The following STARD13 variants were observed in gnomAD, a reference collection of about 807,000 sequenced individuals.
STARD13 encodes the protein StAR related lipid transfer domain containing 13, also known as stAR-related lipid transfer protein 13.
STARD13 carries 62 observed loss-of-function variants against 106.4 expected under a neutral mutation model. The ratio of observed to expected loss-of-function variants is 0.58; its 90% confidence interval spans 0.48 to 0.72. The LOEUF is 0.72. Ranked by LOEUF, STARD13 falls within the 30% of genes least tolerant of loss-of-function variation. The pLI is 0.00. For synonymous variants in STARD13, 565 were observed against 553.0 expected (o/e 1.02, Z -0.31); for missense variants, 1,387 against 1,424.0 (o/e 0.97, Z 0.42).
the STARD13 span, among the ~76,000 whole-genome samples, chr13:33,401,512 C>G: frequency 6.6e-6 from 1 of 152,200 alleles, no homozygotes; most frequent in Non-Finnish European, 1.5e-5. Flanking sequence ...AGAACTTGTT[C>G]AACTTTAGGC....
chr13:33,166,245 T>C (rs1883300999), intron 2 of STARD13, among the ~76,000 whole-genome samples: 1 of 152,166 alleles, frequency 6.6e-6, no homozygotes, highest in South Asian at 2.1e-4. Flanking sequence ...AAAAATCATG[T>C]GAGTGACTTA....
At chr13:33,329,642 A>AG in intron 1 of STARD13, among the ~76,000 whole-genome samples, 1 of 108,912 alleles carries the variant, frequency 9.2e-6, no homozygotes, top group African/African-American at 3.7e-5. Flanking sequence ...ATAATATTCC[A>AG]TTGTGTGTGT....
chr13:33,274,017 A>G (rs974443525), intron 1 of STARD13: 1 of 152,124 alleles, frequency 6.6e-6, no homozygotes, highest in Admixed American at 6.6e-5. Flanking sequence ...GCTGTTGAGT[A>G]TTGAATAAGA....
chr13:33,604,286 T>G, the STARD13 span, among the ~76,000 whole-genome samples: 2 of 152,110 alleles, frequency 1.3e-5, no homozygotes, highest in Non-Finnish European at 2.9e-5. Flanking sequence ...TTTCTAAAAT[T>G]TATGAAATTC....
the STARD13 span, among the ~76,000 whole-genome samples, chr13:33,491,757 G>A: frequency 7.2e-5 from 11 of 152,346 alleles, no homozygotes; most frequent in East Asian, 2.1e-3. Flanking sequence ...ATGAGGAGCT[G>A]TAGAGTTCTG....
the STARD13 span, among the ~76,000 whole-genome samples, chr13:33,605,655 A>T: frequency 3.3e-5 from 5 of 152,300 alleles, no homozygotes; most frequent in Admixed American, 1.3e-4. Flanking sequence ...CTGTTCTAGG[A>T]AAACATCTGG....
At chr13:33,502,733 G>A in the STARD13 span, among the ~76,000 whole-genome samples, 1 of 152,212 alleles carries the variant, frequency 6.6e-6, no homozygotes, top group African/African-American at 2.4e-5. Context: ...CAGTGATGAA[G>A]CCAACTTGAT....
the STARD13 span, among the ~76,000 whole-genome samples, chr13:33,531,083 G>C: frequency 1.2e-3 from 180 of 152,264 alleles, no homozygotes; most frequent in Middle Eastern, 0.01. Context: ...TGCTATTCCT[G>C]TAATAGTGAA....
At chr13:33,553,696 C>T in the STARD13 span, among the ~76,000 whole-genome samples, 1 of 151,490 alleles carries the variant, frequency 6.6e-6, no homozygotes, top group East Asian at 1.9e-4. Flanking sequence ...TCTCCTGCCT[C>T]AGCCTCCCGA....
intron 1 of STARD13, among the ~76,000 whole-genome samples, chr13:33,293,693 A>C (rs1892377625): frequency 6.6e-6 from 1 of 152,202 alleles, no homozygotes; most frequent in Admixed American, 6.5e-5. Context: ...GGTGTGCACC[A>C]TCTAATCAGC....
At chr13:33,204,574 T>A (rs973399138) in intron 1 of STARD13, among the ~76,000 whole-genome samples, 2 of 152,190 alleles carry the variant, frequency 1.3e-5, no homozygotes, top group Non-Finnish European at 1.5e-5. Context: ...AACGGCATAA[T>A]CTCATTCAAA....
the STARD13 span, among the ~76,000 whole-genome samples, chr13:33,526,607 C>A: frequency 6.6e-6 from 1 of 152,036 alleles, no homozygotes; most frequent in Non-Finnish European, 1.5e-5. Context: ...GGTTCAAAGC[C>A]AGGCTCTGAC....
At chr13:33,517,911 T>C in the STARD13 span, among the ~76,000 whole-genome samples, 1 of 152,082 alleles carries the variant, frequency 6.6e-6, no homozygotes, top group African/African-American at 2.4e-5. Flanking sequence ...CTGCCCTGTC[T>C]CTGTGTCCTG....
chr13:33,413,168 T>C, the STARD13 span, among the ~76,000 whole-genome samples: 8 of 152,122 alleles, frequency 5.3e-5, no homozygotes, highest in Non-Finnish European at 7.4e-5. Context: ...CTAAATAATC[T>C]ATGGCTCAAG....
At position 33,210,037 on chromosome 13, in the gene STARD13, A is replaced by G. The variant is rs886265553; in HGVS notation, c.170-42415T>C. On this transcript the variant is annotated intron_variant, in intron 1 of 13. Transcript: ENST00000336934. Reference sequence around the variant, plus strand: ...AGCTTCATGCACAGAGTGGGTGTGCAGCTTCAACAGCAGACGCTGGGGTCG... The same window carrying G: ...AGCTTCATGCACAGAGTGGGTGTGCGGCTTCAACAGCAGACGCTGGGGTCG... Among the ~76,000 whole-genome samples the G allele has an allele frequency of 1.3e-5, 2 of 152,220 alleles. 1 individual carries two copies. The highest frequency in any genetic ancestry group is 4.1e-4 in the South Asian group (2 of 4,828).
intron 1 of STARD13, among the ~76,000 whole-genome samples, chr13:33,311,838 C>T (rs951873556): frequency 2.0e-5 from 3 of 152,178 alleles, no homozygotes; most frequent in Admixed American, 1.3e-4. Flanking sequence ...CCTTTCTCAG[C>T]ATAGGTGGGA....
At chr13:33,495,945 TA>T in the STARD13 span, among the ~76,000 whole-genome samples, 11 of 143,224 alleles carry the variant, frequency 7.7e-5, no homozygotes, top group East Asian at 1.8e-3. Flanking sequence ...ATAATTATAT[TA>T]TTTAATTATA....
the STARD13 span, among the ~76,000 whole-genome samples, chr13:33,381,060 A>C: frequency 9.8e-4 from 150 of 152,294 alleles, 1 homozygote; most frequent in Admixed American, 3.7e-3. Context: ...ATTTTAGATC[A>C]CCTCTACGAG....
intron 1 of STARD13, chr13:33,272,888 T>C (rs1891229939): frequency 6.6e-6 from 1 of 152,004 alleles, no homozygotes. Context: ...CAATTATCAA[T>C]TGGGAGGTGA....
Sources: gnomAD v4.1 joint callset for allele counts (sites outside exome capture counted in the v4.1 genomes callset) on GRCh38, gnomAD v4.1.1 for gene constraint, MANE v1.5 for transcripts, NCBI Gene and HGNC (gene_info 2026-07-23, HGNC 2026-07-21) for gene names.